MEN1: variants seen among roughly 807,000 people sequenced by gnomAD.
The protein encoded by MEN1 is menin 1, also known as menin.
MEN1 carries 6 observed loss-of-function variants against 58.0 expected under a neutral mutation model. The observed-to-expected ratio is 0.10, with a 90% CI of 0.06 to 0.20. MEN1 has a LOEUF of 0.20. Among genes scored for constraint, MEN1 ranks in the 10% least tolerant of loss-of-function variants. MEN1 has a pLI of 1.00. For missense variants in MEN1, 492 were observed against 818.5 expected, an observed-to-expected ratio of 0.60 and a Z score of 4.87; for synonymous variants, 346 against 350.7, an observed-to-expected ratio of 0.99 and a Z score of 0.15.
intron 9 of MEN1, 26 bp downstream of exon 9, chr11:64,805,008 C>T (rs777011577): frequency 1.2e-6 from 2 of 1,612,230 alleles, no homozygotes; most frequent in Admixed American, 3.3e-5. Flanking sequence ...CTGTAGTGCC[C>T]AGACCTCTGT....
chr11:64,809,645 C>T lies in MEN1; in HGVS notation c.445+20G>A. 3.1e-6 allele frequency: 5 copies of T among 1,613,696 alleles called. No individual in the cohort carries two copies. The highest frequency in any genetic ancestry group is 4.2e-6 in the Non-Finnish European group (5 of 1,179,630). On this transcript the variant is annotated intron_variant, in intron 2 of 9. Transcript: ENST00000450708. Reference sequence around the variant, plus strand: ...GAAGAAGTGGGTCATGGATAAGATTCCCACCTACTGGGCTCCAACCTGTGA... The same window carrying T: ...GAAGAAGTGGGTCATGGATAAGATTTCCACCTACTGGGCTCCAACCTGTGA...
rs944568142 is a variant in MEN1 at position 64,807,293 on chromosome 11, T to C, written c.784-74A>G. The C allele has an allele frequency of 3.9e-6, 6 of 1,536,002 alleles. No individual in the cohort carries two copies. In the Admixed American group the frequency reaches 1.1e-4, roughly 28 times the overall value. ...GGGTCCTTAGCCTATCGGGCAGAGG[T>C]GGGGGTCAGAACCAACAGGGACCAC... On this transcript the variant is annotated intron_variant, in intron 4 of 9. Transcript: ENST00000450708. This position sits in a 1 kb window ranked among gnomAD's most constrained non-coding sequence, Gnocchi z 4.9.
intron 2 of MEN1, 94 bp from the exon 3 acceptor site, chr11:64,808,193 C>G (rs1195731276): frequency 8.3e-7 from 1 of 1,201,192 alleles, no homozygotes; most frequent in African/African-American, 1.5e-5. Context: ...CTCCCACTCC[C>G]TTTCCAAGCC....
chr11:64,805,863 C>T, intron 7 of MEN1, 93 bp from the exon 8 acceptor site: 1 of 1,331,568 alleles, frequency 7.5e-7, no homozygotes, highest in Middle Eastern at 1.8e-4. Context: ...CCCCCAGGGG[C>T]TGGGGGAGTA....
At position 64,805,218 on chromosome 11, in the gene MEN1, G is replaced by A. The variant is rs1011660692; in HGVS notation, c.1186-20C>T. ...GGTGCCCTGGACGAGGGGGAAGGGA[G>A]GGCACAGATCAGTCTCTTACTCACC... is the stretch of plus-strand genomic sequence containing the variant. On this transcript the variant is annotated intron_variant, in intron 8 of 9. Transcript: ENST00000450708. 3 of 1,611,834 alleles carry A rather than the reference G, an allele frequency of 1.9e-6. No individual in the cohort carries two copies. The highest frequency in any genetic ancestry group is 2.2e-5 in the East Asian group (1 of 44,880).
rs760183888 is a variant in MEN1 at position 64,806,249 on chromosome 11, C to T, written c.1032G>A (p.Thr344=). ...VREALQAWAD[T]ATVIQDYNYC... is the part of the protein sequence containing the mutation. Reference sequence around the variant, plus strand: ...ATCCTCACTCCTGGATGACAGTGGCCGTGTCCGCCCAGGCCTGCAGGGCTT... The same window carrying T: ...ATCCTCACTCCTGGATGACAGTGGCTGTGTCCGCCCAGGCCTGCAGGGCTT... Residue 344 remains threonine (T), a synonymous_variant, in exon 7 of 10, where the codon ACG becomes ACA. Coordinates refer to ENST00000450708, the MANE Select transcript of MEN1 (RefSeq NM_001370259.2). The T allele has an allele frequency of 1.9e-5, 30 of 1,614,024 alleles. No homozygotes were observed. The highest frequency in any genetic ancestry group is 1.3e-4 in the South Asian group (12 of 91,080).
intron 7 of MEN1, 42 bp downstream of exon 7, chr11:64,806,190 G>A (rs376846834): frequency 6.2e-7 from 1 of 1,612,442 alleles, no homozygotes; most frequent in Non-Finnish European, 8.5e-7. Context: ...TGATGGAGGG[G>A]AAGAAAGGAC....
Position 64,810,085 on chromosome 11 carries a change from T to C in MEN1, c.25A>G (p.Thr9Ala), listed in dbSNP as rs1489754478. Residue 9 changes from threonine to alanine, a missense_variant, in exon 2 of 10, where the codon ACG (threonine) becomes GCG (alanine). This residue lies in a region of MEN1 where 335 missense variants were observed against 550.3 expected (regional missense o/e 0.61). Transcript: ENST00000450708. ...TCGATGGAGCGCAGCGGGAACAGCGTCTTCTGGGCGGCCTTCAGCCCCATG... is the reference window on the plus strand; with the variant it reads ...TCGATGGAGCGCAGCGGGAACAGCGCCTTCTGGGCGGCCTTCAGCCCCATG... The part of the protein sequence containing the change: MGLKAAQK[T>A]LFPLRSIDDV... 1 of 1,601,826 alleles carries C rather than the reference T, an allele frequency of 6.2e-7. No individual in the cohort carries two copies. The highest frequency in any genetic ancestry group is 8.5e-7 in the Non-Finnish European group (1 of 1,176,520).
At position 64,803,897 on chromosome 11, in the gene MEN1, G is replaced by A. The variant is rs908891279; in HGVS notation, c.*437C>T. On this transcript the variant is annotated 3_prime_UTR_variant, in exon 10 of 10. Coordinates refer to ENST00000450708, the MANE Select transcript of MEN1 (RefSeq NM_001370259.2). ...TGAAGTGCGGAAATATACTCCTAGGGGCTGAGTGGTCCTAGGCTCCCGGGC... is the reference window on the plus strand; with the variant it reads ...TGAAGTGCGGAAATATACTCCTAGGAGCTGAGTGGTCCTAGGCTCCCGGGC... 2 of 297,760 alleles carry A rather than the reference G, an allele frequency of 6.7e-6. No homozygotes were observed. Among genetic ancestry groups the A allele is most frequent in the African/African-American group, 4.2e-5 (2 of 47,590 alleles). The allele number at this position is 297,760 out of a possible 1,614,324, so 18.4% of individuals were successfully genotyped here.
At chr11:64,810,480 A>C in intron 1 of MEN1, 34 bp downstream of exon 1, 1 of 252,220 alleles carries the variant, frequency 4.0e-6, no homozygotes, top group East Asian at 7.3e-5. Flanking sequence ...CCCAAACCCC[A>C]AGGAGAGTCC....
At position 64,809,902 on chromosome 11, in the gene MEN1, CG is replaced by C. The variant is rs1057517902; in HGVS notation, c.207del (p.Asp70ThrfsTer49). 6.3e-7 allele frequency: 1 copy of C among 1,582,220 alleles called. No homozygotes were observed. Among genetic ancestry groups the C allele is most frequent in the Non-Finnish European group, 8.6e-7 (1 of 1,164,738 alleles). On this transcript the variant is annotated frameshift_variant, in exon 2 of 10. Transcript: ENST00000450708. LOFTEE classifies it high-confidence loss of function. Reference sequence around the variant, plus strand: ...AAGTAGGTGAGGCCGCCAGGCGGGTCGGGGGCGGGGCTGGGCTGGAAGGTGA... The same window carrying C: ...AAGTAGGTGAGGCCGCCAGGCGGGTCGGGGCGGGGCTGGGCTGGAAGGTGA... Reference protein sequence around the residue: ...PELTFQPSPAPDPPGGLTYFP... With the variant: ...PELTFQPSPAXDPPGGLTYFP...
Position 64,809,646 on chromosome 11 carries a change from C to T in MEN1, c.445+19G>A, listed in dbSNP as rs1472513626. On this transcript the variant is annotated intron_variant, in intron 2 of 9. Transcript: ENST00000450708. The stretch of plus-strand genomic sequence containing the variant: ...AAGAAGTGGGTCATGGATAAGATTC[C>T]CACCTACTGGGCTCCAACCTGTGAT... 1 of 1,613,588 alleles carries T rather than the reference C, an allele frequency of 6.2e-7. No homozygotes were observed. Among genetic ancestry groups the T allele is most frequent in the Non-Finnish European group, 8.5e-7 (1 of 1,179,684 alleles).
In MEN1 at chr11:64,810,148, G is replaced by C. The variant is rs509606; in HGVS notation, c.-23-16C>G. 0.11 allele frequency: 142,633 copies of C among 1,308,284 alleles called. 12,641 individuals are homozygous for C. The highest frequency in any genetic ancestry group is 0.31 in the East Asian group (12,167 of 39,336). The allele number at this position is 1,308,284 out of a possible 1,614,324, so 81.0% of individuals were successfully genotyped here. ...GGGCGGCGGCCTGCAAGGCAAGCCG[G>C]GGGAGGGAGGGTCGGGCAGGTTCGG... On this transcript the variant is annotated splice_polypyrimidine_tract_variant and intron_variant, in intron 1 of 9. Coordinates refer to ENST00000450708, the MANE Select transcript of MEN1 (RefSeq NM_001370259.2).
rs1049359086 is a variant in MEN1 at position 64,810,388 on chromosome 11, C to T, written c.-24+126G>A. ...CGCCCCAAGCACCCCAATGAGGAGC[C>T]CCAATGGCCGCCCCGCCCCCTCTCT... is the stretch of plus-strand genomic sequence containing the variant. On this transcript the variant is annotated intron_variant, in intron 1 of 9. Coordinates refer to ENST00000450708, the MANE Select transcript of MEN1 (RefSeq NM_001370259.2). 5.9e-6 allele frequency: 3 copies of T among 511,502 alleles called. No individual in the cohort carries two copies. The Admixed American group carries it at 1.0e-4, about 17-fold the overall frequency. The allele number at this position is 511,502 out of a possible 1,614,324, so 31.7% of individuals were successfully genotyped here. A position where few individuals can be genotyped will look rare whatever the true frequency, so the allele number is the denominator to read the frequency against.
Position 64,807,296 on chromosome 11 carries a change from G to T in MEN1, c.784-77C>A. 1 of 1,522,098 alleles carries T rather than the reference G, an allele frequency of 6.6e-7. No individual in the cohort carries two copies. The allele number at this position is 1,522,098 out of a possible 1,614,324, so 94.3% of individuals were successfully genotyped here. A position where few individuals can be genotyped will look rare whatever the true frequency, so the allele number is the denominator to read the frequency against. ...TCCTTAGCCTATCGGGCAGAGGTGG[G>T]GGTCAGAACCAACAGGGACCACCCA... is the stretch of plus-strand genomic sequence containing the variant. On this transcript the variant is annotated intron_variant, in intron 4 of 9. Transcript: ENST00000450708. This position sits in a 1 kb window ranked among gnomAD's most constrained non-coding sequence, Gnocchi z 4.9.
chr11:64,809,006 TA>T (rs1350799339), intron 2 of MEN1, among the ~76,000 whole-genome samples: 1 of 148,566 alleles, frequency 6.7e-6, no homozygotes, highest in Non-Finnish European at 1.5e-5. Context: ...CTCACACCTG[TA>T]ATCCCAGCAT....
In MEN1 at chr11:64,807,860, A is replaced by C; in HGVS notation, c.654+31T>G. The C allele has an allele frequency of 6.2e-7, 1 of 1,613,214 alleles. No homozygotes were observed. The highest frequency in any genetic ancestry group is 8.5e-7 in the Non-Finnish European group (1 of 1,179,376). The stretch of plus-strand genomic sequence containing the variant: ...GGTGGCTTGGGCTACTACAGTATGA[A>C]GGGGACAAGGCTGGGGGGAGGGAAC... On this transcript the variant is annotated intron_variant, in intron 3 of 9. Transcript: ENST00000450708. This position sits in a 1 kb window ranked among gnomAD's most constrained non-coding sequence, Gnocchi z 4.9.
chr11:64,808,269 ACTCT>A (rs1184998794), intron 2 of MEN1, among the ~76,000 whole-genome samples, 170 bp from the exon 3 acceptor site: 1 of 151,004 alleles, frequency 6.6e-6, no homozygotes, highest in Non-Finnish European at 1.5e-5. Context: ...GTGTTCAAAG[ACTCT>A]CTCCCTGTTT....
Position 64,807,756 on chromosome 11 carries a change from AG to A in MEN1, c.655-77del, listed in dbSNP as rs1941837284. The A allele has an allele frequency of 1.1e-5, 17 of 1,611,886 alleles. No homozygotes were observed. The highest frequency in any genetic ancestry group is 1.2e-5 in the Non-Finnish European group (14 of 1,178,716). On this transcript the variant is annotated intron_variant, in intron 3 of 9. Coordinates refer to ENST00000450708, the MANE Select transcript of MEN1 (RefSeq NM_001370259.2). The surrounding 1 kb of genome is among the most constrained non-coding windows in gnomAD (Gnocchi z 4.9). ...GCTTCAGGGAATGACAGCCAGGAAA[AG>A]GGGCTCTTCTGTCTTCCCTTCCTAT... is the stretch of plus-strand genomic sequence containing the variant.
Sources: gnomAD v4.1 joint callset for allele counts (sites outside exome capture counted in the v4.1 genomes callset) on GRCh38, gnomAD v4.1.1 for gene constraint, gnomAD v4.1.1 regional missense constraint, Gnocchi (gnomAD v3.1) non-coding constraint, MANE v1.5 for transcripts, NCBI Gene and HGNC (gene_info 2026-07-23, HGNC 2026-07-21) for gene names.